ATP8A2: variants seen among roughly 807,000 people sequenced by gnomAD.
The protein encoded by ATP8A2 is ATPase phospholipid transporting 8A2, also known as phospholipid-transporting ATPase IB.
Under a neutral mutation model 165.6 loss-of-function variants are expected in ATP8A2, and 100 were observed. That is an observed-to-expected ratio of 0.60 (90% CI 0.51 to 0.71). The LOEUF is 0.71. Ranked by LOEUF, ATP8A2 falls within the 30% of genes least tolerant of loss-of-function variation. The pLI, the probability that ATP8A2 is intolerant of heterozygous loss-of-function variation, is 0.00. For missense variants in ATP8A2, 1,227 were observed against 1,479.5 expected, an observed-to-expected ratio of 0.83 and a Z score of 2.80; for synonymous variants, 543 against 548.8, an observed-to-expected ratio of 0.99 and a Z score of 0.15.
rs763982091 is a variant in ATP8A2, at chr13:25,961,624, T to C, written c.3233T>C (p.Val1078Ala). Residue 1078 changes from valine (V) to alanine (A), a missense_variant, in exon 34 of 37, where the codon GTT (valine) becomes GCT (alanine). Around this residue, in one of 5 missense-constraint regions of ATP8A2, gnomAD observed 260 missense variants for 245.1 expected, o/e 1.06. Coordinates refer to ENST00000381655, the MANE Select transcript of ATP8A2 (RefSeq NM_016529.6). The stretch of plus-strand genomic sequence containing the variant: ...CACTTCTGGTTGGGATTATTTCTGG[T>C]TCCTACTGCCTGTTTGATTGAAGAT... Reference protein sequence around the residue: ...SAHFWLGLFLVPTACLIEDVA... With the variant: ...SAHFWLGLFLAPTACLIEDVA... 1.2e-6 allele frequency: 2 copies of C among 1,613,970 alleles called. No individual in the cohort carries two copies. Among genetic ancestry groups the C allele is most frequent in the Non-Finnish European group, 8.5e-7 (1 of 1,179,968 alleles).
intron 2 of ATP8A2, among the ~76,000 whole-genome samples, chr13:25,481,948 T>C (rs912630047): frequency 1.3e-5 from 2 of 152,082 alleles, no homozygotes; most frequent in Non-Finnish European, 2.9e-5. Context: ...TCCCATCACA[T>C]TGGGGGTTAG....
At chr13:25,492,125 C>T (rs1331422628) in intron 2 of ATP8A2, among the ~76,000 whole-genome samples, 14 of 152,208 alleles carry the variant, frequency 9.2e-5, no homozygotes, top group African/African-American at 3.1e-4. Flanking sequence ...GTTGTGATTT[C>T]GGCTCACTGC....
At position 25,414,186 on chromosome 13, in the gene ATP8A2, GTT is replaced by G. The variant is rs10528594; in HGVS notation, c.76+41919_76+41920del. 7.3e-3 allele frequency among the ~76,000 whole-genome samples: 864 copies of G among 118,972 alleles called. 7 individuals are homozygous for G. Among genetic ancestry groups the G allele is most frequent in the African/African-American group, 0.022 (716 of 32,202 alleles). 78.1% of individuals were successfully genotyped at this position (118,972 alleles called of 152,430 possible). A position where few individuals can be genotyped will look rare whatever the true frequency, so the allele number is the denominator to read the frequency against. ...ACTATCTTATCACAAGGGCTGTGGT[GTT>G]TTTTTTTTTTTTTTTTTTTTGAGTC... On this transcript the variant is annotated intron_variant, in intron 1 of 36. Transcript: ENST00000381655.
At chr13:25,650,136 G>A (rs2041776034) in intron 24 of ATP8A2, among the ~76,000 whole-genome samples, 1 of 152,208 alleles carries the variant, frequency 6.6e-6, no homozygotes, top group African/African-American at 2.4e-5. Flanking sequence ...CCAACTTGAG[G>A]GATGGGGTGG....
chr13:25,380,099 C>T (rs1482568115), intron 1 of ATP8A2, among the ~76,000 whole-genome samples: 1 of 152,120 alleles, frequency 6.6e-6, no homozygotes, highest in Admixed American at 6.6e-5. Context: ...TGTTGTAATA[C>T]TCCAGGTGTA....
At chr13:25,543,485 TTAGGAAG>T in intron 10 of ATP8A2, 83 bp downstream of exon 10, 6 of 897,962 alleles carry the variant, frequency 6.7e-6, no homozygotes, top group Non-Finnish European at 8.7e-6. Context: ...GATGTTGCAT[TTAGGAAG>T]TTCAAATTTG....
chr13:25,825,460 C>T (rs2224689), intron 27 of ATP8A2, among the ~76,000 whole-genome samples: 1,951 of 151,974 alleles, frequency 0.013, 24 homozygotes, highest in Middle Eastern at 0.034. Flanking sequence ...TGCCCAGGCT[C>T]TTTTCTATTT....
At chr13:25,505,193 T>C (rs1341258323) in intron 2 of ATP8A2, among the ~76,000 whole-genome samples, 1 of 98,206 alleles carries the variant, frequency 1.0e-5, no homozygotes, top group East Asian at 3.1e-4. Context: ...ATTTGTTTTT[T>C]CGGCGGGGCG....
intron 1 of ATP8A2, among the ~76,000 whole-genome samples, chr13:25,411,749 G>C (rs1031507688): frequency 6.6e-6 from 1 of 152,102 alleles, no homozygotes; most frequent in African/African-American, 2.4e-5. Flanking sequence ...AAAATTGGCC[G>C]ATACTGGAAG....
At chr13:25,531,538 C>T (rs2038113600) in intron 4 of ATP8A2, among the ~76,000 whole-genome samples, 1 of 150,632 alleles carries the variant, frequency 6.6e-6, no homozygotes, top group Non-Finnish European at 1.5e-5. Flanking sequence ...CATACACACA[C>T]ACCTTGCTTT....
At chr13:26,012,704 C>G in intron 36 of ATP8A2, 82 bp downstream of exon 36, 1 of 172,636 alleles carries the variant, frequency 5.8e-6, no homozygotes, top group Non-Finnish European at 8.0e-6. Context: ...GGAGCGGGCG[C>G]TGATGGGGGG....
At chr13:25,972,145 C>T (rs1188267464) in intron 35 of ATP8A2, among the ~76,000 whole-genome samples, 1 of 152,198 alleles carries the variant, frequency 6.6e-6, no homozygotes, top group East Asian at 1.9e-4. Context: ...TTTACAATTA[C>T]AATTTTGAAA....
intron 7 of ATP8A2, among the ~76,000 whole-genome samples, chr13:25,539,663 A>G (rs2038407795): frequency 6.6e-6 from 1 of 152,150 alleles, no homozygotes; most frequent in Non-Finnish European, 1.5e-5. Context: ...TTTTTACCTT[A>G]ACTAGTGGTT....
chr13:25,401,106 C>T (rs1323511494), intron 1 of ATP8A2, among the ~76,000 whole-genome samples: 5 of 152,130 alleles, frequency 3.3e-5, no homozygotes, highest in Non-Finnish European at 5.9e-5. Context: ...ACCAGATGTG[C>T]AGTGAGTGTG....
chr13:25,599,148 C>T (rs1459254172), intron 24 of ATP8A2, among the ~76,000 whole-genome samples: 2 of 152,116 alleles, frequency 1.3e-5, no homozygotes, highest in African/African-American at 4.8e-5. Context: ...TGTCCCTGTA[C>T]ATGTGCATAA....
At chr13:25,730,390 G>A (rs564275932) in intron 25 of ATP8A2, among the ~76,000 whole-genome samples, 6 of 152,246 alleles carry the variant, frequency 3.9e-5, no homozygotes, top group African/African-American at 1.4e-4. Context: ...AGAACAAAAG[G>A]GAATCATGGC....
intron 1 of ATP8A2, among the ~76,000 whole-genome samples, chr13:25,441,078 G>T (rs1286446518): frequency 6.6e-6 from 1 of 152,098 alleles, no homozygotes; most frequent in East Asian, 1.9e-4. Context: ...TGGGGATCAG[G>T]ATGTTTCTGT....
intron 27 of ATP8A2, among the ~76,000 whole-genome samples, chr13:25,779,737 T>C (rs2044829575): frequency 6.6e-6 from 1 of 152,216 alleles, no homozygotes; most frequent in African/African-American, 2.4e-5. Context: ...TATCTCTCCA[T>C]GTAATTTAGA....
chr13:25,776,046 T>C (rs113803653), intron 27 of ATP8A2, among the ~76,000 whole-genome samples: 4,798 of 152,318 alleles, frequency 0.031, 256 homozygotes, highest in African/African-American at 0.11. Context: ...AGGTTGTTCA[T>C]GGCCCAAGAC....
Sources: gnomAD v4.1 joint callset for allele counts (sites outside exome capture counted in the v4.1 genomes callset) on GRCh38, gnomAD v4.1.1 for gene constraint, gnomAD v4.1.1 regional missense constraint, MANE v1.5 for transcripts, NCBI Gene and HGNC (gene_info 2026-07-23, HGNC 2026-07-21) for gene names.